MEI1: variants seen among roughly 807,000 people sequenced by gnomAD.
MEI1 encodes meiotic double-stranded break formation protein 1.
In MEI1, 103 loss-of-function variants were observed where a neutral mutation model predicts 146.2. The observed-to-expected ratio is 0.70, with a 90% CI of 0.60 to 0.83. The LOEUF is 0.83. Ranked by LOEUF, MEI1 falls within the 40% of genes least tolerant of loss-of-function variation. MEI1 has a pLI of 0.00. For missense variants in MEI1, 1,529 were observed against 1,533.0 expected (o/e 1.00, Z 0.04); for synonymous variants, 652 against 628.2 (o/e 1.04, Z -0.57).
intron 17 of MEI1, among the ~76,000 whole-genome samples, chr22:41,756,174 C>T (rs554323401): frequency 1.3e-3 from 195 of 152,280 alleles, no homozygotes; most frequent in African/African-American, 4.2e-3. Flanking sequence ...GAGTCTCAGT[C>T]TGTTGCCCAG....
intron 26 of MEI1, among the ~76,000 whole-genome samples, chr22:41,785,031 G>T (rs996984032): frequency 2.0e-5 from 3 of 151,382 alleles, no homozygotes; most frequent in African/African-American, 7.3e-5. Context: ...CCGCCTCCCG[G>T]GTTCAAGCAA....
rs1601841557 is a variant in MEI1, at chr22:41,738,338, C to T, written c.1332-4742C>T. On this transcript the variant is annotated intron_variant, in intron 11 of 30. Coordinates refer to ENST00000401548, the MANE Select transcript of MEI1 (RefSeq NM_152513.4). Reference sequence around the variant, plus strand: ...GTGTGGTGGCTCATGCCTGTAATCCCAGCACTTTGGGAGGCCGAGGCGGGC... The same window carrying T: ...GTGTGGTGGCTCATGCCTGTAATCCTAGCACTTTGGGAGGCCGAGGCGGGC... 2.6e-5 allele frequency among the ~76,000 whole-genome samples: 4 copies of T among 152,266 alleles called. 1 individual carries two copies.
At chr22:41,713,754 G>T (rs2069831034) in intron 3 of MEI1, among the ~76,000 whole-genome samples, 1 of 152,188 alleles carries the variant, frequency 6.6e-6, no homozygotes, top group Non-Finnish European at 1.5e-5. Context: ...CTCCATGTTG[G>T]TCAGGCTGGT....
chr22:41,730,515 T>C lies in MEI1; in HGVS notation c.980-6T>C, dbSNP rs375353368. 10 of 1,600,438 alleles carry C rather than the reference T, an allele frequency of 6.2e-6. No homozygotes were observed. In the South Asian group the frequency reaches 7.7e-5, roughly 12 times the overall value. On this transcript the variant is annotated splice_region_variant and splice_polypyrimidine_tract_variant and intron_variant, in intron 8 of 30. Transcript: ENST00000401548. ...TTTATTGTTTTCTCATCCTCTCCCT[T>C]GTTAGAGTTCCTCTTTGAGCATCTT...
chr22:41,770,623 A>G (rs773193973), intron 19 of MEI1, 63 bp from the exon 20 acceptor site: 11 of 1,488,182 alleles, frequency 7.4e-6, no homozygotes, highest in South Asian at 1.3e-5. Flanking sequence ...TCTCTTGGCC[A>G]TGTTGGGGTC....
intron 18 of MEI1, among the ~76,000 whole-genome samples, chr22:41,760,857 T>C (rs2074438857): frequency 6.6e-6 from 1 of 152,208 alleles, no homozygotes; most frequent in Non-Finnish European, 1.5e-5. Flanking sequence ...AACATCGGGT[T>C]CTAAGTCATG....
At chr22:41,736,625 C>T (rs1158834217) in intron 11 of MEI1, among the ~76,000 whole-genome samples, 2 of 151,984 alleles carry the variant, frequency 1.3e-5, no homozygotes, top group Non-Finnish European at 2.9e-5. Flanking sequence ...GAGCTTCAGG[C>T]TTCAAGTGAT....
intron 17 of MEI1, among the ~76,000 whole-genome samples, chr22:41,754,743 T>G (rs2073984386): frequency 6.6e-6 from 1 of 152,202 alleles, no homozygotes; most frequent in Non-Finnish European, 1.5e-5. Flanking sequence ...AGGTGTTTCT[T>G]GAGCACCTGT....
chr22:41,706,420 A>G (rs1233031893), intron 3 of MEI1, among the ~76,000 whole-genome samples: 1 of 152,196 alleles, frequency 6.6e-6, no homozygotes, highest in African/African-American at 2.4e-5. Context: ...GGAGCTTACA[A>G]TCTGGAGAAG....
chr22:41,755,055 C>T (rs2074002801), intron 17 of MEI1, among the ~76,000 whole-genome samples: 1 of 152,138 alleles, frequency 6.6e-6, no homozygotes, highest in Non-Finnish European at 1.5e-5. Flanking sequence ...GGGCTGAGAG[C>T]TGGAAGTTTT....
intron 26 of MEI1, among the ~76,000 whole-genome samples, chr22:41,789,201 A>G (rs901597532): frequency 1.3e-5 from 2 of 152,160 alleles, no homozygotes; most frequent in Non-Finnish European, 2.9e-5. Flanking sequence ...AATCCCAGCT[A>G]CTTGGGAGGC....
rs780439507 is a variant in MEI1 at position 41,795,474 on chromosome 22, G to A, written c.3598G>A (p.Val1200Met). ...HEEVGDVLQG[V>M]ALADLSTLSN... is the part of the protein sequence containing the mutation. The stretch of plus-strand genomic sequence containing the variant: ...AGAGGTGGGTGATGTTCTGCAAGGT[G>A]TGGCTTTGGCTGACCTGTCTACCCT... The change falls in exon 29 of 31, where the codon GTG (valine) becomes ATG (methionine). Residue 1200 changes from valine to methionine, a missense_variant. By Grantham distance (21) the Val-to-Met change is conservative. Transcript: ENST00000401548. This position sits in a 1 kb window ranked among gnomAD's most constrained non-coding sequence, Gnocchi z 4.2. 6.2e-7 allele frequency: 1 copy of A among 1,613,758 alleles called. No individual in the cohort carries two copies.
At position 41,793,844 on chromosome 22, in the gene MEI1, T is replaced by G; in HGVS notation, c.3361T>G (p.Ser1121Ala). ...TTTTCTGCAGAAGGACCCTCTATTG[T>G]CCCAGGCCTGTGTTGGCTGCCTGGA... ...NLLVQKDPLL[S>A]QACVGCLEAL... The change falls in exon 27 of 31, where the codon TCC becomes GCC. Residue 1121 changes from serine (S) to alanine (A), a missense_variant. Transcript: ENST00000401548. 1.4e-5 allele frequency: 23 copies of G among 1,610,686 alleles called. No individual in the cohort carries two copies. Among genetic ancestry groups the G allele is most frequent in the Non-Finnish European group, 2.0e-5 (23 of 1,179,044 alleles).
At chr22:41,746,064 G>T (rs780765756) in intron 14 of MEI1, 38 bp downstream of exon 14, 4 of 1,535,980 alleles carry the variant, frequency 2.6e-6, no homozygotes, top group East Asian at 2.4e-5. Flanking sequence ...TGAAGCTTGG[G>T]GAAGAGAAGA....
rs1655747967 is a variant in MEI1 at position 41,781,835 on chromosome 22, G to A, written c.3077G>A (p.Gly1026Asp). The change falls in exon 24 of 31, where the codon GGC becomes GAC. Residue 1026 changes from glycine (G) to aspartate (D), a missense_variant. Physicochemically the swap from Gly to Asp is moderately conservative, Grantham distance 94. Transcript: ENST00000401548. ...TCCTTCTCTGCCCAGCAGCACAAGGGCAGTTTGCAGGTTAGTCTTTAACTC... is the reference window on the plus strand; with the variant it reads ...TCCTTCTCTGCCCAGCAGCACAAGGACAGTTTGCAGGTTAGTCTTTAACTC... ...TASFSAQQHK[G>D]SLQVHQTLSV... The A allele has an allele frequency of 6.2e-7, 1 of 1,613,854 alleles. No individual in the cohort carries two copies. The highest frequency in any genetic ancestry group is 1.3e-5 in the African/African-American group (1 of 74,930).
At chr22:41,747,736 C>CCAAAAA (rs1569240908) in intron 14 of MEI1, among the ~76,000 whole-genome samples, 37 of 133,158 alleles carry the variant, frequency 2.8e-4, no homozygotes, top group Admixed American at 4.6e-4. Flanking sequence ...CCCACCCCCC[C>CCAAAAA]AAAAAAAACA....
intron 3 of MEI1, among the ~76,000 whole-genome samples, chr22:41,710,383 A>G (rs1324726135): frequency 6.6e-6 from 1 of 152,222 alleles, no homozygotes; most frequent in Non-Finnish European, 1.5e-5. Flanking sequence ...AAATTCTGCA[A>G]GTGGGTTAGT....
intron 6 of MEI1, among the ~76,000 whole-genome samples, chr22:41,719,087 A>G (rs1052949416): frequency 6.2e-5 from 9 of 145,924 alleles, no homozygotes; most frequent in Admixed American, 2.8e-4. Context: ...GGTTCACACC[A>G]TTCTCCTGCC....
At chr22:41,794,585 G>T in intron 28 of MEI1, 108 bp downstream of exon 28, 1 of 870,438 alleles carries the variant, frequency 1.1e-6, no homozygotes, top group Non-Finnish European at 1.8e-6. Flanking sequence ...TAAAGAAGGT[G>T]GAAGGGCTCG....
Sources: gnomAD v4.1 joint callset for allele counts (sites outside exome capture counted in the v4.1 genomes callset) on GRCh38, gnomAD v4.1.1 for gene constraint, Gnocchi (gnomAD v3.1) non-coding constraint, MANE v1.5 for transcripts, NCBI Gene and HGNC (gene_info 2026-07-23, HGNC 2026-07-21) for gene names.